The following ADGRL2 variants were observed in gnomAD, a reference collection of about 807,000 sequenced individuals.
ADGRL2 encodes calcium-independent alpha-latrotoxin receptor 2.
In ADGRL2, 44 loss-of-function variants were observed where a neutral mutation model predicts 157.4. The observed-to-expected ratio is 0.28, with a 90% CI of 0.22 to 0.36. ADGRL2 has a LOEUF of 0.36. Among genes scored for constraint, ADGRL2 ranks in the 10% least tolerant of loss-of-function variants. The pLI is 1.00. For missense variants in ADGRL2, 1,510 were observed against 1,768.9 expected, an observed-to-expected ratio of 0.85 and a Z score of 2.63; for synonymous variants, 585 against 624.7, an observed-to-expected ratio of 0.94 and a Z score of 0.95.
At chr1:81,620,002 C>T (rs2081755140) in intron 3 of ADGRL2, among the ~76,000 whole-genome samples, 2 of 151,982 alleles carry the variant, frequency 1.3e-5, no homozygotes, top group South Asian at 4.2e-4. Flanking sequence ...TGAATACATA[C>T]AAAGAACTTG....
intron 23 of ADGRL2, chr1:81,989,605 GA>G: frequency 6.5e-7 from 1 of 1,544,820 alleles, no homozygotes; most frequent in Non-Finnish European, 8.9e-7. Flanking sequence ...GAGAAGCTTA[GA>G]AATTCTTCAT....
chr1:81,850,119 T>G (rs1350587345), intron 2 of ADGRL2, among the ~76,000 whole-genome samples: 1 of 151,988 alleles, frequency 6.6e-6, no homozygotes, highest in East Asian at 1.9e-4. Flanking sequence ...TACTTTAAAC[T>G]TAATTACTGG....
chr1:81,355,172 G>A (rs1213692272), intron 1 of ADGRL2, among the ~76,000 whole-genome samples: 1 of 152,026 alleles, frequency 6.6e-6, no homozygotes, highest in African/African-American at 2.4e-5. Flanking sequence ...CCAAAATGGT[G>A]AAACCCCAAC....
chr1:81,465,994 T>G (rs1038995097), intron 2 of ADGRL2, among the ~76,000 whole-genome samples: 9 of 152,156 alleles, frequency 5.9e-5, no homozygotes, highest in Non-Finnish European at 1.3e-4. Flanking sequence ...TAACCAATAT[T>G]TACAATATAA....
At chr1:81,820,736 GAA>G (rs10707483) in intron 1 of ADGRL2, among the ~76,000 whole-genome samples, 4 of 147,164 alleles carry the variant, frequency 2.7e-5, no homozygotes, top group Non-Finnish European at 4.5e-5. Flanking sequence ...CTGTCTGTCT[GAA>G]AAAAAAAAAC....
chr1:81,429,425 G>T (rs1570943991), intron 1 of ADGRL2, among the ~76,000 whole-genome samples: 1 of 152,128 alleles, frequency 6.6e-6, no homozygotes, highest in South Asian at 2.1e-4. Flanking sequence ...GAGGAGGAGG[G>T]TCTATATTCC....
chr1:81,768,533 G>T (rs1306466276), intron 2 of ADGRL2, among the ~76,000 whole-genome samples: 2 of 150,670 alleles, frequency 1.3e-5, no homozygotes, highest in Admixed American at 6.6e-5. Context: ...GAGTGCAGTG[G>T]TACAATCACA....
At chr1:81,779,222 T>C (rs1055532986) in intron 2 of ADGRL2, among the ~76,000 whole-genome samples, 6 of 152,082 alleles carry the variant, frequency 3.9e-5, no homozygotes, top group Non-Finnish European at 8.8e-5. Context: ...CACTGAAGTA[T>C]GTAAAATAAT....
intron 3 of ADGRL2, among the ~76,000 whole-genome samples, chr1:81,627,737 T>C (rs573571939): frequency 7.3e-4 from 111 of 152,314 alleles, no homozygotes; most frequent in Non-Finnish European, 1.3e-3. Context: ...ATCAGAATTA[T>C]AATTCCAGGC....
intron 1 of ADGRL2, among the ~76,000 whole-genome samples, chr1:81,334,545 A>G (rs573846967): frequency 1.1e-4 from 17 of 152,320 alleles, no homozygotes; most frequent in African/African-American, 3.8e-4. Context: ...ATGATTTTCT[A>G]GGCATTAAAA....
intron 2 of ADGRL2, among the ~76,000 whole-genome samples, chr1:81,854,745 A>G (rs1390770462): frequency 6.6e-6 from 1 of 152,148 alleles, no homozygotes; most frequent in Non-Finnish European, 1.5e-5. Context: ...AACAGCAGAG[A>G]TATCTGAATG....
chr1:81,719,452 CT>C (rs1407842468), intron 1 of ADGRL2, among the ~76,000 whole-genome samples: 1 of 152,194 alleles, frequency 6.6e-6, no homozygotes, highest in African/African-American at 2.4e-5. Context: ...AATCCTGCTT[CT>C]TTCTCTGTGT....
intron 3 of ADGRL2, among the ~76,000 whole-genome samples, chr1:81,638,953 G>A (rs974582325): frequency 1.5e-4 from 23 of 152,150 alleles, no homozygotes; most frequent in Admixed American, 1.4e-3. Flanking sequence ...GCAGTGAGCC[G>A]TGATCACCCA....
At chr1:81,453,770 C>T (rs1036016612) in intron 2 of ADGRL2, among the ~76,000 whole-genome samples, 20 of 152,250 alleles carry the variant, frequency 1.3e-4, no homozygotes, top group African/African-American at 3.4e-4. Flanking sequence ...CAAAAAGCAG[C>T]TCCCAGTCAT....
At chr1:81,474,599 T>G (rs1424072002) in intron 2 of ADGRL2, among the ~76,000 whole-genome samples, 1 of 152,202 alleles carries the variant, frequency 6.6e-6, no homozygotes, top group Non-Finnish European at 1.5e-5. Context: ...GCTGGTCAGT[T>G]CAGCAAATGC....
chr1:81,428,035 T>C (rs1376390902), intron 1 of ADGRL2, among the ~76,000 whole-genome samples: 1 of 152,186 alleles, frequency 6.6e-6, no homozygotes, highest in African/African-American at 2.4e-5. Context: ...GTACAGAAAC[T>C]AACAAAATGC....
chr1:81,830,780 T>G (rs1228792173), intron 1 of ADGRL2, among the ~76,000 whole-genome samples: 1 of 152,228 alleles, frequency 6.6e-6, no homozygotes, highest in African/African-American at 2.4e-5. Context: ...GTGCTGGGAT[T>G]ACAGGCGTGA....
At chr1:81,692,489 G>C (rs17424000) in intron 3 of ADGRL2, among the ~76,000 whole-genome samples, 2,359 of 152,220 alleles carry the variant, frequency 0.015, 30 homozygotes, top group Non-Finnish European at 0.022. Flanking sequence ...TGTATGCTAA[G>C]CTCTTTTTTG....
intron 2 of ADGRL2, among the ~76,000 whole-genome samples, chr1:81,548,663 T>C (rs2080076377): frequency 6.6e-6 from 1 of 152,140 alleles, no homozygotes; most frequent in Admixed American, 6.6e-5. Context: ...AGGACATAAT[T>C]GTATTCCAAG....
Sources: allele counts gnomAD v4.1 joint callset (sites outside exome capture counted in the v4.1 genomes callset), GRCh38; gene constraint gnomAD v4.1.1; transcripts MANE v1.5; gene names NCBI Gene and HGNC (gene_info 2026-07-23, HGNC 2026-07-21).